ARHGEF2: variants seen among roughly 807,000 people sequenced by gnomAD.
The protein encoded by ARHGEF2 is Rho/Rac guanine nucleotide exchange factor 2, also known as rho guanine nucleotide exchange factor 2.
Under a neutral mutation model 121.0 loss-of-function variants are expected in ARHGEF2, and 22 were observed. The observed-to-expected ratio is 0.18, with a 90% CI of 0.13 to 0.26. The LOEUF is 0.26. Among genes scored for constraint, ARHGEF2 ranks in the 10% least tolerant of loss-of-function variants. ARHGEF2 has a pLI of 1.00. For synonymous variants in ARHGEF2, 487 were observed against 530.0 expected, an observed-to-expected ratio of 0.92 and a Z score of 1.11; for missense variants, 907 against 1,336.0, an observed-to-expected ratio of 0.68 and a Z score of 5.01.
At chr1:155,969,665 G>A (rs1463919428) in intron 1 of ARHGEF2, 1 of 1,055,316 alleles carries the variant, frequency 9.5e-7, no homozygotes, top group East Asian at 7.8e-5. Flanking sequence ...TCTGTGCTAG[G>A]GGGAAGATGC....
chr1:155,970,400 C>G, intron 1 of ARHGEF2: 1 of 985,460 alleles, frequency 1.0e-6, no homozygotes, highest in Non-Finnish European at 1.2e-6. Context: ...AGGGGGATAT[C>G]ACTCTTCCCA....
intron 3 of ARHGEF2, 48 bp downstream of exon 3, chr1:155,966,772 A>C: frequency 6.6e-7 from 1 of 1,507,184 alleles, no homozygotes; most frequent in Non-Finnish European, 9.2e-7. Context: ...AGGGTACCGC[A>C]CACTCACTAC....
At position 155,978,204 on chromosome 1, in the gene ARHGEF2, T is replaced by A; in HGVS notation, c.63+161A>T. The A allele has an allele frequency of 4.7e-6, 6 of 1,275,800 alleles. No homozygotes were observed. The highest frequency in any genetic ancestry group is 3.6e-5 in the East Asian group (1 of 28,042). The allele number at this position is 1,275,800 out of a possible 1,614,324, so 79.0% of individuals were successfully genotyped here. Reference sequence around the variant, plus strand: ...GCTCCCCCCACCCCTACCCACTCGCTCGCAGTCCCCACCCACCCCGTCCCG... The same window carrying A: ...GCTCCCCCCACCCCTACCCACTCGCACGCAGTCCCCACCCACCCCGTCCCG... On this transcript the variant is annotated intron_variant, in intron 1 of 21. Coordinates refer to ENST00000361247, the MANE Select transcript of ARHGEF2 (RefSeq NM_001162383.2). The surrounding 1 kb of genome is among the most constrained non-coding windows in gnomAD (Gnocchi z 4.1).
chr1:155,956,080 T>C (rs930577426), intron 13 of ARHGEF2, among the ~76,000 whole-genome samples: 7 of 152,068 alleles, frequency 4.6e-5, no homozygotes, highest in African/African-American at 1.7e-4. Context: ...TATTTTGAAC[T>C]GCTTTCTTGG....
chr1:155,959,575 C>T (rs148460808), intron 11 of ARHGEF2, among the ~76,000 whole-genome samples: 313 of 152,172 alleles, frequency 2.1e-3, no homozygotes, highest in African/African-American at 6.1e-3. Flanking sequence ...GACCAAGTAT[C>T]GCTCTGTCGC....
rs201062421 is a variant in ARHGEF2, at chr1:155,965,610, T to A, written c.470+21A>T. The stretch of plus-strand genomic sequence containing the variant: ...CACTGCCACACTCTCTGGCTGCCCC[T>A]TTCCCCAAACAGAGGCTCACCCAGC... On this transcript the variant is annotated intron_variant, in intron 5 of 21. Transcript: ENST00000361247. The surrounding 1 kb of genome is among the most constrained non-coding windows in gnomAD (Gnocchi z 6.0). 7.9e-5 allele frequency: 128 copies of A among 1,612,378 alleles called. 1 individual carries two copies. In the East Asian group the frequency reaches 2.1e-3, roughly 27 times the overall value.
In ARHGEF2 at chr1:155,947,851, G is replaced by A; in HGVS notation, c.*91C>T. ...AGGACAATTTGCAGTTCTTTCAAATGTTCCCTCATCATTGGCAAATTGGAG... is the reference window on the plus strand; with the variant it reads ...AGGACAATTTGCAGTTCTTTCAAATATTCCCTCATCATTGGCAAATTGGAG... On this transcript the variant is annotated 3_prime_UTR_variant, in exon 22 of 22. Coordinates refer to ENST00000361247, the MANE Select transcript of ARHGEF2 (RefSeq NM_001162383.2). The A allele has an allele frequency of 1.4e-6, 1 of 709,718 alleles. No individual in the cohort carries two copies. The highest frequency in any genetic ancestry group is 1.8e-5 in the African/African-American group (1 of 55,472). 44.0% of individuals were successfully genotyped at this position (709,718 alleles called of 1,614,324 possible).
chr1:155,952,025 C>T (rs1354891462), intron 16 of ARHGEF2, 39 bp from the exon 17 acceptor site: 7 of 1,614,072 alleles, frequency 4.3e-6, no homozygotes, highest in Non-Finnish European at 5.1e-6. Context: ...GCTCACTTCC[C>T]TGGGGCCCTG....
Position 155,950,749 on chromosome 1 carries a change from C to T in ARHGEF2, c.2703+80G>A. The T allele has an allele frequency of 7.1e-7, 1 of 1,401,044 alleles. No homozygotes were observed. Among genetic ancestry groups the T allele is most frequent in the Non-Finnish European group, 9.7e-7 (1 of 1,030,472 alleles). The allele number at this position is 1,401,044 out of a possible 1,614,324, so 86.8% of individuals were successfully genotyped here. On this transcript the variant is annotated intron_variant, in intron 20 of 21. Coordinates refer to ENST00000361247, the MANE Select transcript of ARHGEF2 (RefSeq NM_001162383.2). This position sits in a 1 kb window ranked among gnomAD's most constrained non-coding sequence, Gnocchi z 5.2. ...TGACTGATTGCATTTGGGCTCAAAT[C>T]CCCAATGGCCCAATTTCTTTCGGGC...
chr1:155,964,796 G>A (rs984665786), intron 7 of ARHGEF2, among the ~76,000 whole-genome samples, 192 bp downstream of exon 7: 3 of 151,012 alleles, frequency 2.0e-5, no homozygotes, highest in South Asian at 2.1e-4. Flanking sequence ...GCAGGCGCCT[G>A]TAATGAGAAT....
Position 155,964,187 on chromosome 1 carries a change from TATATATATATAC to T in ARHGEF2, c.724+789_724+800del, listed in dbSNP as rs1335023302. Reference sequence around the variant, plus strand: ...AAAAAAATATATATATATATATATATATATATATATACATATATATATATATATATTTTTTTT... The same window carrying T: ...AAAAAAATATATATATATATATATATATATATATATATATATATTTTTTTT... On this transcript the variant is annotated intron_variant, in intron 7 of 21. Coordinates refer to ENST00000361247, the MANE Select transcript of ARHGEF2 (RefSeq NM_001162383.2). Among the ~76,000 whole-genome samples, 23 of 126,082 alleles carry T rather than the reference TATATATATATAC, an allele frequency of 1.8e-4. No individual in the cohort carries two copies. In the East Asian group the frequency reaches 4.1e-3, roughly 22 times the overall value. The allele number at this position is 126,082 out of a possible 152,430, so 82.7% of individuals were successfully genotyped here. A position where few individuals can be genotyped will look rare whatever the true frequency, so the allele number is the denominator to read the frequency against.
chr1:155,969,652 T>A, intron 1 of ARHGEF2: 1 of 1,101,552 alleles, frequency 9.1e-7, no homozygotes, highest in Non-Finnish European at 1.1e-6. Flanking sequence ...CTGTACTCTC[T>A]TCTCTGTGCT....
chr1:155,950,525 T>C lies in ARHGEF2; in HGVS notation c.2704-43A>G, dbSNP rs367771896. On this transcript the variant is annotated intron_variant, in intron 20 of 21. Coordinates refer to ENST00000361247, the MANE Select transcript of ARHGEF2 (RefSeq NM_001162383.2). The surrounding 1 kb of genome is among the most constrained non-coding windows in gnomAD (Gnocchi z 5.2). ...GAAGAACAGCAGGTCAGGGACTGAG[T>C]AGTGTGAAGATTGGAGGTTCTGCTT... The C allele has an allele frequency of 2.3e-3, 3,651 of 1,590,518 alleles. 6 individuals carry two copies. The highest frequency in any genetic ancestry group is 2.8e-3 in the Non-Finnish European group (3,257 of 1,162,040).
intron 1 of ARHGEF2, among the ~76,000 whole-genome samples, chr1:155,976,382 C>T (rs556290716): frequency 2.0e-4 from 30 of 151,924 alleles, no homozygotes; most frequent in African/African-American, 5.6e-4. Flanking sequence ...CACCCTTCTC[C>T]GGTGGCCTCT....
intron 14 of ARHGEF2, among the ~76,000 whole-genome samples, chr1:155,953,329 A>G (rs1675911765): frequency 6.6e-6 from 1 of 151,348 alleles, no homozygotes; most frequent in South Asian, 2.1e-4. Flanking sequence ...CATTCTTTCC[A>G]TCTTCCTTTA....
intron 4 of ARHGEF2, among the ~76,000 whole-genome samples, 191 bp downstream of exon 4, chr1:155,966,225 G>A (rs577654283): frequency 2.6e-5 from 4 of 152,136 alleles, no homozygotes; most frequent in South Asian, 4.2e-4. Context: ...ATCCCCATTC[G>A]GACTCTCTCT....
rs1413703568 is a variant in ARHGEF2, at chr1:155,948,028, A to G, written c.2888-13T>C. 2 of 1,550,242 alleles carry G rather than the reference A, an allele frequency of 1.3e-6. No individual in the cohort carries two copies. The highest frequency in any genetic ancestry group is 2.0e-5 in the Admixed American group (1 of 50,944). On this transcript the variant is annotated splice_polypyrimidine_tract_variant and intron_variant, in intron 21 of 21. Coordinates refer to ENST00000361247, the MANE Select transcript of ARHGEF2 (RefSeq NM_001162383.2). ...ATTCTGGTAAAGTCTGAAGGGGGAC[A>G]GGACAAAGCCAGTGAGTTAGCAGAG...
At position 155,954,986 on chromosome 1, in the gene ARHGEF2, T is replaced by C; in HGVS notation, c.1716-17A>G. 1.9e-6 allele frequency: 3 copies of C among 1,607,776 alleles called. No individual in the cohort carries two copies. In the South Asian group the frequency reaches 3.3e-5, roughly 18 times the overall value. On this transcript the variant is annotated splice_polypyrimidine_tract_variant and intron_variant, in intron 13 of 21. Transcript: ENST00000361247. ...GATGGGCATCTGGAGGGGTAACAGG[T>C]CGCATGCCATTGAGAGACAGAAGCT...
Position 155,965,660 on chromosome 1 carries a change from G to C in ARHGEF2, c.441C>G (p.Ala147=). The C allele has an allele frequency of 6.2e-7, 1 of 1,612,326 alleles. No individual in the cohort carries two copies. The highest frequency in any genetic ancestry group is 8.5e-7 in the Non-Finnish European group (1 of 1,179,726). ...SRRGRSSLSL[A]KSVSTTNIAG... ...CAATGTTGGTGGTAGAAACACTCTT[G>C]GCTAAAGACAAGGAGGAGCGGCCAC... The change falls in exon 5 of 22, where the codon GCC becomes GCG. Residue 147 remains alanine, a synonymous_variant. Transcript: ENST00000361247. The surrounding 1 kb of genome is among the most constrained non-coding windows in gnomAD (Gnocchi z 6.0).
Sources: allele counts gnomAD v4.1 joint callset (sites outside exome capture counted in the v4.1 genomes callset), GRCh38; gene constraint gnomAD v4.1.1; non-coding constraint Gnocchi (gnomAD v3.1); transcripts MANE v1.5; gene names NCBI Gene and HGNC (gene_info 2026-07-23, HGNC 2026-07-21).